The following HS6ST3 variants were observed in gnomAD, a reference collection of about 807,000 sequenced individuals.
HS6ST3 encodes the protein heparan-sulfate 6-O-sulfotransferase 3.
In HS6ST3, 12 loss-of-function variants were observed where a neutral mutation model predicts 36.7. The ratio of observed to expected loss-of-function variants is 0.33; its 90% CI spans 0.21 to 0.53. The LOEUF is 0.53. Ranked by LOEUF, HS6ST3 falls within the 20% of genes least tolerant of loss-of-function variation. The pLI is 0.95. For missense variants in HS6ST3, 584 were observed against 640.9 expected (o/e 0.91, Z 0.96); for synonymous variants, 240 against 257.5 (o/e 0.93, Z 0.65).
chr13:96,338,892 A>G (rs1174377254), intron 1 of HS6ST3, among the ~76,000 whole-genome samples: 1 of 152,186 alleles, frequency 6.6e-6, no homozygotes, highest in Admixed American at 6.5e-5. Flanking sequence ...TCAAAAAAAC[A>G]AGACTCTTTG....
chr13:96,094,645 T>C (rs1266254635), intron 1 of HS6ST3, among the ~76,000 whole-genome samples: 1 of 152,104 alleles, frequency 6.6e-6, no homozygotes, highest in Non-Finnish European at 1.5e-5. Flanking sequence ...CATCTAGGAC[T>C]GAAGGCAGAA....
chr13:96,801,977 C>T (rs1013092670), intron 1 of HS6ST3, among the ~76,000 whole-genome samples: 1 of 152,100 alleles, frequency 6.6e-6, no homozygotes, highest in East Asian at 1.9e-4. Context: ...TGTGTGTTGG[C>T]TTCCTCTAAT....
chr13:96,595,699 A>G (rs1351517094), intron 1 of HS6ST3, among the ~76,000 whole-genome samples: 4 of 151,500 alleles, frequency 2.6e-5, no homozygotes, highest in Admixed American at 6.6e-5. Flanking sequence ...TTGTTTCATG[A>G]ATCCTTTCTT....
chr13:96,280,477 A>G (rs1017568820), intron 1 of HS6ST3, among the ~76,000 whole-genome samples: 2 of 152,172 alleles, frequency 1.3e-5, no homozygotes, highest in Non-Finnish European at 2.9e-5. Context: ...CAGTGTAGAG[A>G]AAGAAGAGGT....
rs754216164 is a variant in HS6ST3 at position 96,091,263 on chromosome 13, T to G, written c.401T>G (p.Leu134Arg). 14 of 1,610,350 alleles carry G rather than the reference T, an allele frequency of 8.7e-6. 1 individual carries two copies. The Admixed American group carries it at 1.0e-4, about 12-fold the overall frequency. Residue 134 changes from leucine to arginine, a missense_variant, in exon 1 of 2, where the codon CTG (leucine) becomes CGG (arginine). By Grantham distance (102) the Leu-to-Arg change is moderately radical (BLOSUM62 -2). Transcript: ENST00000376705. ...CGCTTCAACTTCAGCCTGAAGGACC[T>G]GACCCGCTTCGTGGATTTCAACATC... ...VPRFNFSLKD[L>R]TRFVDFNIKG...
At chr13:96,168,431 T>C (rs1024548083) in intron 1 of HS6ST3, among the ~76,000 whole-genome samples, 1 of 152,246 alleles carries the variant, frequency 6.6e-6, no homozygotes. Context: ...TCAGGTCAGG[T>C]GCAGTGGCTC....
intron 1 of HS6ST3, among the ~76,000 whole-genome samples, chr13:96,533,486 G>A (rs1594801373): frequency 6.6e-6 from 1 of 152,174 alleles, no homozygotes; most frequent in East Asian, 1.9e-4. Context: ...AAATACAGAA[G>A]TCTATTGAAA....
At chr13:96,100,046 T>G (rs2053810507) in intron 1 of HS6ST3, among the ~76,000 whole-genome samples, 2 of 151,944 alleles carry the variant, frequency 1.3e-5, no homozygotes, top group Admixed American at 1.3e-4. Context: ...TCATATAAAG[T>G]GTAAATTGGA....
chr13:96,211,564 C>T (rs2139357650), intron 1 of HS6ST3, among the ~76,000 whole-genome samples: 1 of 152,252 alleles, frequency 6.6e-6, no homozygotes, highest in African/African-American at 2.4e-5. Flanking sequence ...ATCTAAATGT[C>T]TTTTATAATA....
intron 1 of HS6ST3, among the ~76,000 whole-genome samples, chr13:96,312,782 T>A (rs1021467336): frequency 6.6e-6 from 1 of 151,762 alleles, no homozygotes; most frequent in Non-Finnish European, 1.5e-5. Flanking sequence ...TGAAACCCCA[T>A]TTTTACTAAA....
Position 96,835,060 on chromosome 13 carries a change from C to T in HS6ST3, c.*1862C>T, listed in dbSNP as rs1566465213. ...AGCCCACAGAAAATAAGTAGCTCCTCCACAGGTTGTAAGCTAGGTCTAGCT... is the reference window on the plus strand; with the variant it reads ...AGCCCACAGAAAATAAGTAGCTCCTTCACAGGTTGTAAGCTAGGTCTAGCT... On this transcript the variant is annotated 3_prime_UTR_variant, in exon 2 of 2. Transcript: ENST00000376705. 1 of 152,214 alleles carries T rather than the reference C, an allele frequency of 6.6e-6. No homozygotes were observed. The highest frequency in any genetic ancestry group is 2.4e-5 in the African/African-American group (1 of 41,450). 9.4% of individuals were successfully genotyped at this position (152,214 alleles called of 1,614,324 possible). A position where few individuals can be genotyped will look rare whatever the true frequency, so the allele number is the denominator to read the frequency against.
intron 1 of HS6ST3, among the ~76,000 whole-genome samples, chr13:96,425,377 A>G (rs1344428525): frequency 6.6e-6 from 1 of 152,144 alleles, no homozygotes; most frequent in Non-Finnish European, 1.5e-5. Context: ...TTTGGCATAT[A>G]TGAGAATATC....
chr13:96,541,603 G>C (rs1335439060), intron 1 of HS6ST3, among the ~76,000 whole-genome samples: 1 of 152,164 alleles, frequency 6.6e-6, no homozygotes, highest in African/African-American at 2.4e-5. Context: ...TGGGAGCTAT[G>C]ATTACAGGTG....
chr13:96,407,924 AT>A (rs1356264128), intron 1 of HS6ST3, among the ~76,000 whole-genome samples: 1 of 152,184 alleles, frequency 6.6e-6, no homozygotes, highest in East Asian at 1.9e-4. Flanking sequence ...TATTGATAAT[AT>A]TCAGGATTTT....
intron 1 of HS6ST3, among the ~76,000 whole-genome samples, chr13:96,525,432 C>T (rs1465183493): frequency 6.6e-6 from 1 of 152,130 alleles, no homozygotes; most frequent in Non-Finnish European, 1.5e-5. Flanking sequence ...TTTCAGGTTG[C>T]TCTGGTGCTT....
chr13:96,492,117 C>G (rs59283419), intron 1 of HS6ST3, among the ~76,000 whole-genome samples: 4,913 of 152,144 alleles, frequency 0.032, 251 homozygotes, highest in African/African-American at 0.11. Flanking sequence ...AGGTAGGTAA[C>G]GTTGCTTTTG....
rs979035947 is a variant in HS6ST3, at chr13:96,838,196, T to A, written c.*4998T>A. 10 of 152,144 alleles carry A rather than the reference T, an allele frequency of 6.6e-5. No homozygotes were observed. Among genetic ancestry groups the A allele is most frequent in the African/African-American group, 2.4e-4 (10 of 41,438 alleles). The allele number at this position is 152,144 out of a possible 1,614,324, so 9.4% of individuals were successfully genotyped here. ...AAGGTAATGAATTAAATATATGACA[T>A]GTAATACTGAAAAAATAGAAAAATG... On this transcript the variant is annotated 3_prime_UTR_variant, in exon 2 of 2. Coordinates refer to ENST00000376705, the MANE Select transcript of HS6ST3 (RefSeq NM_153456.4).
At chr13:96,730,177 T>C (rs538536650) in intron 1 of HS6ST3, among the ~76,000 whole-genome samples, 1 of 152,228 alleles carries the variant, frequency 6.6e-6, no homozygotes, top group Admixed American at 6.5e-5. Context: ...CAGGTCTTTT[T>C]CCAGATCATT....
intron 1 of HS6ST3, among the ~76,000 whole-genome samples, chr13:96,219,598 C>A (rs931467520): frequency 7.9e-5 from 12 of 152,288 alleles, no homozygotes; most frequent in African/African-American, 2.9e-4. Flanking sequence ...GTATTTTCAA[C>A]CCTATTCTTT....
Sources: gnomAD v4.1 joint callset for allele counts (sites outside exome capture counted in the v4.1 genomes callset) on GRCh38, gnomAD v4.1.1 for gene constraint, MANE v1.5 for transcripts, NCBI Gene and HGNC (gene_info 2026-07-23, HGNC 2026-07-21) for gene names.